FREM1: variants seen among roughly 807,000 people sequenced by gnomAD.
The protein encoded by FREM1 is FRAS1-related extracellular matrix protein 1.
FREM1 carries 220 observed loss-of-function variants against 210.1 expected under a neutral mutation model. The observed-to-expected ratio is 1.05, with a 90% CI of 0.94 to 1.17. FREM1 has a LOEUF of 1.17. FREM1 is among the 50% of genes most tolerant of loss of function. The probability of loss-of-function intolerance (pLI) is 0.00; values close to 1 mark genes in which losing one functional copy is unlikely to be tolerated. For missense variants in FREM1, 3,454 were observed against 2,675.5 expected (o/e 1.29, Z -6.42); for synonymous variants, 1,189 against 980.2 (o/e 1.21, Z -3.98).
At chr9:14,874,927 T>C (rs774811512) in intron 1 of FREM1, among the ~76,000 whole-genome samples, 1 of 152,270 alleles carries the variant, frequency 6.6e-6, no homozygotes, top group East Asian at 1.9e-4. Context: ...TCACTTATGA[T>C]GCTTAGTTTG....
chr9:14,887,329 G>A (rs1245222797), intron 1 of FREM1, among the ~76,000 whole-genome samples: 1 of 152,206 alleles, frequency 6.6e-6, no homozygotes, highest in Non-Finnish European at 1.5e-5. Context: ...GGTCCCAGCA[G>A]GAGAGCAGAG....
At chr9:14,899,786 A>C (rs750193025) in intron 1 of FREM1, among the ~76,000 whole-genome samples, 26 of 152,248 alleles carry the variant, frequency 1.7e-4, no homozygotes, top group Non-Finnish European at 2.8e-4. Flanking sequence ...TGACAAATAC[A>C]GTTCAAACTG....
chr9:14,803,953 T>C (rs1413470239), intron 19 of FREM1, among the ~76,000 whole-genome samples: 1 of 152,212 alleles, frequency 6.6e-6, no homozygotes, highest in African/African-American at 2.4e-5. Context: ...TCCTTCTTCA[T>C]AGAGCTTGAC....
intron 13 of FREM1, among the ~76,000 whole-genome samples, chr9:14,822,947 T>C (rs947756127): frequency 2.6e-5 from 4 of 152,174 alleles, no homozygotes; most frequent in African/African-American, 9.7e-5. Context: ...ATTTAGTAGC[T>C]GAAAAATCTC....
At chr9:14,860,844 C>CATAT (rs1271184499) in intron 3 of FREM1, among the ~76,000 whole-genome samples, 1 of 93,582 alleles carries the variant, frequency 1.1e-5, no homozygotes, top group African/African-American at 5.9e-5. Flanking sequence ...CGTATATATA[C>CATAT]ATATATACGT....
intron 2 of FREM1, among the ~76,000 whole-genome samples, chr9:14,867,330 G>A (rs145507941): frequency 2.0e-5 from 3 of 152,166 alleles, no homozygotes; most frequent in African/African-American, 7.2e-5. Context: ...CATTCAGAAT[G>A]CAAGTATAAT....
At position 14,836,048 on chromosome 9, in the gene FREM1, G is replaced by A. The variant is rs192966654; in HGVS notation, c.1881+5399C>T. On this transcript the variant is annotated intron_variant, in intron 10 of 36. Transcript: ENST00000380880. This position sits in a 1 kb window ranked among gnomAD's most constrained non-coding sequence, Gnocchi z 4.9. ...GGGCAATTATCTTGCAACTTCTGCC[G>A]GGTAATGAAAAGTGAGTAAGGTGCC... Among the ~76,000 whole-genome samples, 126 of 152,266 alleles carry A rather than the reference G, an allele frequency of 8.3e-4. No homozygotes were observed. The highest frequency in any genetic ancestry group is 1.2e-3 in the Non-Finnish European group (85 of 68,024).
At position 14,737,596 on chromosome 9, in the gene FREM1, C is replaced by T. The variant is rs772360985; in HGVS notation, c.6341-1G>A. The T allele has an allele frequency of 6.5e-7, 1 of 1,527,508 alleles. No individual in the cohort carries two copies. Among genetic ancestry groups the T allele is most frequent in the Non-Finnish European group, 8.8e-7 (1 of 1,138,634 alleles). The allele number at this position is 1,527,508 out of a possible 1,614,324, so 94.6% of individuals were successfully genotyped here. ...CCAGCATGCACTTGGTCGTTCAAAC[C>T]TAATGTGAACCAAAAGAATGTACCA... On this transcript the variant is annotated splice_acceptor_variant, in intron 36 of 36. Coordinates refer to ENST00000380880, the MANE Select transcript of FREM1 (RefSeq NM_001379081.2). LOFTEE classifies it high-confidence loss of function.
At chr9:14,780,657 A>C (rs1432738132) in intron 24 of FREM1, among the ~76,000 whole-genome samples, 2 of 152,126 alleles carry the variant, frequency 1.3e-5, no homozygotes, top group African/African-American at 4.8e-5. Flanking sequence ...CTGACTATTA[A>C]ACTCCCCCAT....
At chr9:14,871,665 C>T (rs905000015) in intron 1 of FREM1, among the ~76,000 whole-genome samples, 1 of 152,098 alleles carries the variant, frequency 6.6e-6, no homozygotes, top group East Asian at 1.9e-4. Flanking sequence ...TTAATTAGAT[C>T]CCATTTGTCA....
intron 21 of FREM1, 61 bp from the exon 22 acceptor site, chr9:14,792,945 C>T (rs958037989): frequency 1.9e-6 from 2 of 1,079,190 alleles, no homozygotes; most frequent in Admixed American, 2.4e-5. Flanking sequence ...TAGTAGGGGA[C>T]ACTTATATTG....
In FREM1 at chr9:14,899,447, C is replaced by T. The variant is rs543586534; in HGVS notation, c.-268+10467G>A. The stretch of plus-strand genomic sequence containing the variant: ...TCAGGCAGTGGGATTAAACGTGCTT[C>T]AAGTACTGGTTCAAAAACAAAATCT... On this transcript the variant is annotated intron_variant, in intron 1 of 36. Transcript: ENST00000380880. 7.9e-5 allele frequency among the ~76,000 whole-genome samples: 12 copies of T among 152,306 alleles called. No individual in the cohort carries two copies. The South Asian group carries it at 2.5e-3, about 32-fold the overall frequency.
intron 1 of FREM1, among the ~76,000 whole-genome samples, chr9:14,904,688 G>A (rs560975588): frequency 6.6e-6 from 1 of 152,216 alleles, no homozygotes; most frequent in Non-Finnish European, 1.5e-5. Flanking sequence ...CTGAGGTACA[G>A]ACACAGAACA....
chr9:14,868,199 C>A (rs1831901274), intron 2 of FREM1, among the ~76,000 whole-genome samples: 1 of 152,170 alleles, frequency 6.6e-6, no homozygotes, highest in African/African-American at 2.4e-5. Context: ...CTAAAAATGT[C>A]TTGAAATCTT....
At position 14,863,923 on chromosome 9, in the gene FREM1, G is replaced by A. The variant is rs763554688; in HGVS notation, c.235-20C>T. 2.6e-5 allele frequency: 38 copies of A among 1,456,846 alleles called. No individual in the cohort carries two copies. Among genetic ancestry groups the A allele is most frequent in the Admixed American group, 1.9e-4 (11 of 59,424 alleles). The allele number at this position is 1,456,846 out of a possible 1,614,324, so 90.2% of individuals were successfully genotyped here. A position where few individuals can be genotyped will look rare whatever the true frequency, so the allele number is the denominator to read the frequency against. On this transcript the variant is annotated intron_variant, in intron 2 of 36. Transcript: ENST00000380880. ...AAAGACCTAGTTCACATGAAGAATT[G>A]GATAAATATCTATGAGAAAATTGGT...
intron 14 of FREM1, among the ~76,000 whole-genome samples, chr9:14,818,305 C>G (rs1820673918): frequency 1.3e-5 from 2 of 152,250 alleles, no homozygotes; most frequent in East Asian, 1.9e-4. Context: ...ATTTTTTTAA[C>G]AAGGATAGGA....
intron 16 of FREM1, among the ~76,000 whole-genome samples, chr9:14,811,486 C>A (rs545700092): frequency 7.2e-5 from 11 of 152,092 alleles, no homozygotes; most frequent in Non-Finnish European, 1.3e-4. Flanking sequence ...CTGGGGAAAT[C>A]AAAAATGAGT....
chr9:14,908,401 G>A (rs1458291196), intron 1 of FREM1, among the ~76,000 whole-genome samples: 1 of 152,200 alleles, frequency 6.6e-6, no homozygotes, highest in African/African-American at 2.4e-5. Flanking sequence ...TGGGTTTAAA[G>A]TTTCCAAAAC....
intron 27 of FREM1, among the ~76,000 whole-genome samples, chr9:14,765,338 C>T (rs932108589): frequency 6.6e-5 from 10 of 152,166 alleles, no homozygotes; most frequent in African/African-American, 2.4e-4. Context: ...TAGAATCAAG[C>T]ACACCTTGTA....
Sources: gnomAD v4.1 joint callset for allele counts (sites outside exome capture counted in the v4.1 genomes callset) on GRCh38, gnomAD v4.1.1 for gene constraint, Gnocchi (gnomAD v3.1) non-coding constraint, MANE v1.5 for transcripts, NCBI Gene and HGNC (gene_info 2026-07-23, HGNC 2026-07-21) for gene names.